COL6A5: variants seen among roughly 807,000 people sequenced by gnomAD.
The protein encoded by COL6A5 is collagen type VI alpha 5 chain.
In COL6A5, 48 loss-of-function variants were observed where a neutral mutation model predicts 65.6. The observed-to-expected ratio is 0.73, with a 90% confidence interval of 0.58 to 0.93. The LOEUF (loss-of-function observed/expected upper bound fraction) is 0.93, where lower values mean the gene tolerates loss of function less well. Ranked by LOEUF, COL6A5 falls within the 40% of genes least tolerant of loss-of-function variation. The pLI, the probability that COL6A5 is intolerant of heterozygous loss-of-function variation, is 0.00. For missense variants in COL6A5, 914 were observed against 928.3 expected (o/e 0.98, Z 0.20); for synonymous variants, 291 against 322.8 (o/e 0.90, Z 1.05).
intron 20 of COL6A5, among the ~76,000 whole-genome samples, chr3:130,412,157 A>G (rs910904087): frequency 2.0e-5 from 3 of 152,164 alleles, no homozygotes; most frequent in African/African-American, 4.8e-5. Context: ...TTTGCCTGCC[A>G]TACACAAAGA....
chr3:130,422,708 C>G lies in COL6A5; in HGVS notation c.5038-12C>G. ...ACTTTAACATCTTGACTTTTTATAT[C>G]TGAATCTTCAGGGTGATATTGGTAA... On this transcript the variant is annotated splice_polypyrimidine_tract_variant and intron_variant and NMD_transcript_variant, in intron 27 of 41. Transcript: ENST00000312481. The G allele has an allele frequency of 6.6e-7, 1 of 1,508,630 alleles. No homozygotes were observed. Among genetic ancestry groups the G allele is most frequent in the Non-Finnish European group, 8.9e-7 (1 of 1,117,710 alleles). 93.5% of individuals were successfully genotyped at this position (1,508,630 alleles called of 1,614,324 possible).
At chr3:130,450,415 A>G (rs1302891942) in intron 4 of COL6A5, among the ~76,000 whole-genome samples, 1 of 152,126 alleles carries the variant, frequency 6.6e-6, no homozygotes, top group African/African-American at 2.4e-5. Flanking sequence ...TTTTTCCAGT[A>G]TGACCAAGTT....
chr3:130,477,323 A>T (rs1276932278), intron 7 of COL6A5: 2 of 402,652 alleles, frequency 5.0e-6, no homozygotes, highest in Admixed American at 8.3e-5. Context: ...TAAAAATATA[A>T]ATCCATTATA....
chr3:130,362,732 G>T (rs116686177), intron 1 of COL6A5, among the ~76,000 whole-genome samples: 1,967 of 152,200 alleles, frequency 0.013, 43 homozygotes, highest in African/African-American at 0.045. Flanking sequence ...CTGACATCTT[G>T]ACAGTACTGA....
exon 29 of COL6A5, chr3:130,423,894 A>T: frequency 6.5e-7 from 1 of 1,548,444 alleles, no homozygotes; most frequent in South Asian, 1.2e-5. Flanking sequence ...GCCCTCCTGG[A>T]CAGAGAGTAA....
intron 4 of COL6A5, among the ~76,000 whole-genome samples, chr3:130,449,334 C>A (rs764919364): frequency 7.0e-4 from 106 of 152,084 alleles, no homozygotes; most frequent in Non-Finnish European, 1.3e-3. Flanking sequence ...CCCATGTTTT[C>A]CATCATATGC....
intron 1 of COL6A5, among the ~76,000 whole-genome samples, chr3:130,349,485 GTTATGA>G (rs1322897398): frequency 6.6e-6 from 1 of 152,136 alleles, no homozygotes; most frequent in African/African-American, 2.4e-5. Context: ...TATGCTAGTA[GTTATGA>G]TTATGTAATT....
rs374301056 is a variant in COL6A5, at chr3:130,392,408, T to C, written c.2992+654T>C. Among the ~76,000 whole-genome samples, 4 of 152,156 alleles carry C rather than the reference T, an allele frequency of 2.6e-5. No individual in the cohort carries two copies. In the East Asian group the frequency reaches 7.7e-4, roughly 29 times the overall value. The stretch of plus-strand genomic sequence containing the variant: ...GTAGGCTGGAGACATCACATTTGAG[T>C]GAGGACAGGGTGACACTTGCCACTT... On this transcript the variant is annotated intron_variant and NMD_transcript_variant, in intron 7 of 41. Coordinates refer to the COL6A5 transcript ENST00000312481.
chr3:130,482,020 C>A (rs1351212911), intron 7 of COL6A5, among the ~76,000 whole-genome samples: 1 of 152,150 alleles, frequency 6.6e-6, no homozygotes, highest in East Asian at 1.9e-4. Context: ...ATGATAGTTT[C>A]TTTTGCTGTG....
chr3:130,367,919 A>C (rs1935400226), intron 1 of COL6A5, among the ~76,000 whole-genome samples: 1 of 152,114 alleles, frequency 6.6e-6, no homozygotes, highest in African/African-American at 2.4e-5. Context: ...ATGCGTCATG[A>C]TTGTTCAGAA....
intron 5 of COL6A5, among the ~76,000 whole-genome samples, chr3:130,462,259 C>T (rs1426825572): frequency 3.3e-5 from 5 of 152,048 alleles, no homozygotes; most frequent in African/African-American, 1.2e-4. Context: ...GGGTGATGGG[C>T]CTGGGCTGGC....
At chr3:130,357,537 A>C (rs186226538) in intron 1 of COL6A5, among the ~76,000 whole-genome samples, 1 of 152,230 alleles carries the variant, frequency 6.6e-6, no homozygotes, top group African/African-American at 2.4e-5. Context: ...CCTTTGAACA[A>C]TAATGCAAAA....
intron 28 of COL6A5, among the ~76,000 whole-genome samples, chr3:130,423,048 G>A (rs558679385): frequency 1.3e-5 from 2 of 152,150 alleles, no homozygotes; most frequent in East Asian, 3.9e-4. Context: ...TTGATAACTT[G>A]CTGTTCCAAG....
chr3:130,360,111 GA>G (rs1042985379), intron 1 of COL6A5, among the ~76,000 whole-genome samples: 2 of 151,696 alleles, frequency 1.3e-5, no homozygotes, highest in African/African-American at 4.8e-5. Flanking sequence ...AGAGAATGAA[GA>G]AAAAAAGGAA....
intron 7 of COL6A5, among the ~76,000 whole-genome samples, chr3:130,478,240 T>C (rs1710146565): frequency 6.6e-6 from 1 of 152,120 alleles, no homozygotes; most frequent in Non-Finnish European, 1.5e-5. Flanking sequence ...TTTAAAATCG[T>C]GATCATGTTG....
intron 4 of COL6A5, among the ~76,000 whole-genome samples, chr3:130,453,326 A>G (rs1709490704): frequency 6.6e-6 from 1 of 152,192 alleles, no homozygotes; most frequent in African/African-American, 2.4e-5. Context: ...ATAAATGTCC[A>G]TAAAATCTTC....
intron 24 of COL6A5, among the ~76,000 whole-genome samples, chr3:130,417,265 CCTT>C (rs892170547): frequency 1.3e-5 from 2 of 152,068 alleles, no homozygotes; most frequent in African/African-American, 4.8e-5. Flanking sequence ...GACATGAACT[CCTT>C]CTTGAAAAAA....
At chr3:130,431,623 A>G (rs1937814584) in exon 1 of COL6A5, 2 of 1,551,476 alleles carry the variant, frequency 1.3e-6, no homozygotes, top group East Asian at 2.4e-5. Context: ...AAGAGTTGCC[A>G]TGGTTTCCTA....
At chr3:130,421,197 A>G (rs2107684459) in exon 26 of COL6A5, 1 of 1,550,728 alleles carries the variant, frequency 6.4e-7, no homozygotes, top group South Asian at 1.2e-5. Context: ...GACGAAAAGG[A>G]GTAAAGGTAA....
Sources: gnomAD v4.1 joint callset for allele counts (sites outside exome capture counted in the v4.1 genomes callset) on GRCh38, gnomAD v4.1.1 for gene constraint, MANE v1.5 for transcripts, NCBI Gene and HGNC (gene_info 2026-07-23, HGNC 2026-07-21) for gene names.